Variants in TAFA5 observed in about 807,000 individuals in gnomAD.
The protein encoded by TAFA5 is TAFA chemokine like family member 5, also known as chemokine-like protein TAFA-5.
A neutral mutation model predicts 15.3 loss-of-function variants in TAFA5; 6 were observed. The ratio of observed to expected loss-of-function variants is 0.39; its 90% CI spans 0.21 to 0.77. The LOEUF (loss-of-function observed/expected upper bound fraction) is 0.77, where lower values mean the gene tolerates loss of function less well. Ranked by LOEUF, TAFA5 falls within the 30% of genes least tolerant of loss-of-function variation. TAFA5 has a pLI of 0.41. For missense variants in TAFA5, 161 were observed against 193.1 expected, an observed-to-expected ratio of 0.83 and a Z score of 0.98; for synonymous variants, 103 against 80.7, an observed-to-expected ratio of 1.28 and a Z score of -1.48.
rs969083547 is a variant in TAFA5, at chr22:48,750,950, G to A, written c.*1103G>A. Reference sequence around the variant, plus strand: ...GTGTGTTTCTGAAGACTCTGGGGGTGGGACACGGCGGGGAGGTGGTGCCCC... The same window carrying A: ...GTGTGTTTCTGAAGACTCTGGGGGTAGGACACGGCGGGGAGGTGGTGCCCC... On this transcript the variant is annotated 3_prime_UTR_variant, in exon 4 of 4. Transcript: ENST00000402357. The A allele has an allele frequency of 6.6e-6, 1 of 152,448 alleles. No homozygotes were observed. 9.4% of individuals were successfully genotyped at this position (152,448 alleles called of 1,614,324 possible). A position where few individuals can be genotyped will look rare whatever the true frequency, so the allele number is the denominator to read the frequency against.
At chr22:48,678,636 C>A (rs937236339) in intron 2 of TAFA5, among the ~76,000 whole-genome samples, 3 of 144,498 alleles carry the variant, frequency 2.1e-5, no homozygotes, top group African/African-American at 7.6e-5. Flanking sequence ...CTGTCCCACA[C>A]GTGGAAAAGT....
intron 1 of TAFA5, chr22:48,539,445 G>A (rs967718060): frequency 8.5e-6 from 4 of 471,096 alleles, no homozygotes; most frequent in Non-Finnish European, 1.8e-5. Context: ...TTCCCTCTTG[G>A]CATCTGTTCT....
Position 48,594,582 on chromosome 22 carries a change from G to GAGC in TAFA5, c.113-52014_113-52013insGCA, listed in dbSNP as rs201442817. On this transcript the variant is annotated intron_variant, in intron 1 of 3. Coordinates refer to ENST00000402357, the MANE Select transcript of TAFA5 (RefSeq NM_001082967.3). The stretch of plus-strand genomic sequence containing the variant: ...GTCCTCAGAGCAGCCCCGGTGTGAT[G>GAGC]ATCCCCATAGGCTCATGCTCCCGTC... 3.7e-3 allele frequency among the ~76,000 whole-genome samples: 560 copies of GAGC among 152,332 alleles called. 5 individuals carry two copies. The highest frequency in any genetic ancestry group is 0.013 in the African/African-American group (538 of 41,570).
intron 1 of TAFA5, among the ~76,000 whole-genome samples, chr22:48,540,741 C>T (rs1339102130): frequency 6.6e-6 from 1 of 151,826 alleles, no homozygotes; most frequent in Non-Finnish European, 1.5e-5. Context: ...TGATGTTATT[C>T]AGAATTTAGT....
intron 1 of TAFA5, among the ~76,000 whole-genome samples, chr22:48,561,932 C>T (rs1015717790): frequency 3.5e-4 from 53 of 152,236 alleles, no homozygotes; most frequent in Admixed American, 9.1e-4. Flanking sequence ...GGCGGTGGCT[C>T]GGCTCATGGC....
intron 2 of TAFA5, among the ~76,000 whole-genome samples, chr22:48,649,636 G>A (rs1001630521): frequency 2.6e-5 from 4 of 152,110 alleles, no homozygotes; most frequent in African/African-American, 9.7e-5. Context: ...GGGCAGAGGC[G>A]TGGCGGTCTT....
chr22:48,638,476 C>A (rs11703667), intron 1 of TAFA5, among the ~76,000 whole-genome samples: 1,872 of 120,064 alleles, frequency 0.016, no homozygotes, highest in East Asian at 0.045. Flanking sequence ...TCACCGCACA[C>A]AGGGGGGACC....
At chr22:48,709,672 C>T (rs936857028) in intron 3 of TAFA5, among the ~76,000 whole-genome samples, 1 of 152,248 alleles carries the variant, frequency 6.6e-6, no homozygotes, top group African/African-American at 2.4e-5. Context: ...GGCGCCCAGG[C>T]CAGCGTTCAG....
chr22:48,516,506 A>G (rs992717616), intron 1 of TAFA5, among the ~76,000 whole-genome samples: 1 of 152,192 alleles, frequency 6.6e-6, no homozygotes, highest in Admixed American at 6.5e-5. Context: ...AACTCTCGGC[A>G]GGAGCTGGTG....
chr22:48,743,342 C>T (rs1001762260), intron 3 of TAFA5, among the ~76,000 whole-genome samples: 1 of 152,250 alleles, frequency 6.6e-6, no homozygotes, highest in Non-Finnish European at 1.5e-5. Context: ...CCGCCTCTGT[C>T]TCTGTCTGCA....
intron 2 of TAFA5, among the ~76,000 whole-genome samples, chr22:48,673,006 A>G (rs545835793): frequency 1.3e-5 from 2 of 152,038 alleles, no homozygotes; most frequent in African/African-American, 4.8e-5. Flanking sequence ...AAAAACCCTG[A>G]CCCCAAGGCT....
intron 2 of TAFA5, among the ~76,000 whole-genome samples, chr22:48,702,938 G>C (rs773358833): frequency 6.6e-6 from 1 of 152,256 alleles, no homozygotes; most frequent in Non-Finnish European, 1.5e-5. Context: ...TGGTGCCCTC[G>C]GGAGGGCCAG....
chr22:48,585,502 C>T (rs1924316979), intron 1 of TAFA5, among the ~76,000 whole-genome samples: 1 of 150,932 alleles, frequency 6.6e-6, no homozygotes, highest in South Asian at 2.1e-4. Flanking sequence ...ACACCACATA[C>T]ACCATACAAA....
At chr22:48,611,138 T>A (rs1055480310) in intron 1 of TAFA5, among the ~76,000 whole-genome samples, 2 of 152,204 alleles carry the variant, frequency 1.3e-5, no homozygotes, top group African/African-American at 4.8e-5. Flanking sequence ...TTTCACCATG[T>A]TGGCCAGGCT....
chr22:48,681,837 C>G lies in TAFA5; in HGVS notation c.263-25880C>G, dbSNP rs1569077167. Among the ~76,000 whole-genome samples, 2 of 121,364 alleles carry G rather than the reference C, an allele frequency of 1.6e-5. 1 individual carries two copies. Among genetic ancestry groups the G allele is most frequent in the Non-Finnish European group, 4.0e-5 (2 of 49,430 alleles). 79.6% of individuals were successfully genotyped at this position (121,364 alleles called of 152,430 possible). ...TGTCCACATGTAGACTCTCCCACTCCTGCTTGATCAAACACCAGCACCCCG... is the reference window on the plus strand; with the variant it reads ...TGTCCACATGTAGACTCTCCCACTCGTGCTTGATCAAACACCAGCACCCCG... On this transcript the variant is annotated intron_variant, in intron 2 of 3. Coordinates refer to ENST00000402357, the MANE Select transcript of TAFA5 (RefSeq NM_001082967.3).
Position 48,499,326 on chromosome 22 carries a change from C to T in TAFA5, c.112+9622C>T, listed in dbSNP as rs73433649. ...CCTCATCTTCCTGCTTGTTTCATTACGCCTGCCTTTCCAGGAGGTGGCTGA... is the reference window on the plus strand; with the variant it reads ...CCTCATCTTCCTGCTTGTTTCATTATGCCTGCCTTTCCAGGAGGTGGCTGA... On this transcript the variant is annotated intron_variant, in intron 1 of 3. Coordinates refer to ENST00000402357, the MANE Select transcript of TAFA5 (RefSeq NM_001082967.3). Among the ~76,000 whole-genome samples the T allele has an allele frequency of 4.2e-3, 647 of 152,296 alleles. 5 individuals are homozygous for T. Among genetic ancestry groups the T allele is most frequent in the African/African-American group, 0.015 (622 of 41,570 alleles).
chr22:48,505,047 C>T (rs1302625892), intron 1 of TAFA5, among the ~76,000 whole-genome samples: 2 of 152,222 alleles, frequency 1.3e-5, no homozygotes, highest in Admixed American at 1.3e-4. Context: ...AGGTCAGTGT[C>T]TCCAGGCATT....
At chr22:48,605,050 G>A (rs1925108793) in intron 1 of TAFA5, among the ~76,000 whole-genome samples, 2 of 151,000 alleles carry the variant, frequency 1.3e-5, no homozygotes, top group Non-Finnish European at 2.9e-5. Context: ...GGTGATAATG[G>A]TGGAGAGGAG....
At chr22:48,667,773 GC>G (rs1927669281) in intron 2 of TAFA5, among the ~76,000 whole-genome samples, 2 of 91,390 alleles carry the variant, frequency 2.2e-5, no homozygotes, top group Non-Finnish European at 2.4e-5. Context: ...TTCACTGGGA[GC>G]TGTAATCCCC....
Sources: gnomAD v4.1 joint callset for allele counts (sites outside exome capture counted in the v4.1 genomes callset) on GRCh38, gnomAD v4.1.1 for gene constraint, MANE v1.5 for transcripts, NCBI Gene and HGNC (gene_info 2026-07-23, HGNC 2026-07-21) for gene names.